Variants in DYSF observed in about 807,000 individuals in gnomAD.
DYSF encodes the protein dysferlin.
In DYSF, 212 loss-of-function variants were observed where a neutral mutation model predicts 274.9. The observed-to-expected ratio is 0.77, with a 90% CI of 0.69 to 0.86. The LOEUF is 0.86. Ranked by LOEUF, DYSF falls within the 40% of genes least tolerant of loss-of-function variation. DYSF has a pLI of 0.00. For synonymous variants in DYSF, 1,091 were observed against 1,078.7 expected (o/e 1.01, Z -0.22); for missense variants, 2,666 against 2,783.2 (o/e 0.96, Z 0.95).
intron 30 of DYSF, chr2:71,576,388 G>T: frequency 6.6e-6 from 1 of 152,612 alleles, no homozygotes. Flanking sequence ...GGATGCTTGG[G>T]AGGCAGAGCC....
chr2:71,578,729 A>G (rs2152829582), intron 30 of DYSF, among the ~76,000 whole-genome samples: 1 of 152,146 alleles, frequency 6.6e-6, no homozygotes, highest in South Asian at 2.1e-4. Context: ...GCCTCCTGCC[A>G]CCTTTTCCCT....
rs115105874 is a variant in DYSF at position 71,524,367 on chromosome 2, T to C, written c.1150-1853T>C. 1.6e-3 allele frequency among the ~76,000 whole-genome samples: 247 copies of C among 152,290 alleles called. 1 individual carries two copies. Among genetic ancestry groups the C allele is most frequent in the African/African-American group, 5.1e-3 (213 of 41,560 alleles). ...CTAGTACGGCAGGTCTTGTACACAGTAGGTGCTCAGTCAGTGCTTATTGTC... is the reference window on the plus strand; with the variant it reads ...CTAGTACGGCAGGTCTTGTACACAGCAGGTGCTCAGTCAGTGCTTATTGTC... On this transcript the variant is annotated intron_variant, in intron 12 of 55. Coordinates refer to ENST00000410020, the MANE Select transcript of DYSF (RefSeq NM_001130987.2).
In DYSF at chr2:71,569,910, C is replaced by T. The variant is rs1176897873; in HGVS notation, c.2955C>T (p.Tyr985=). Residue 985 remains tyrosine (Y), a synonymous_variant, in exon 27 of 56, where the codon TAC becomes TAT. Coordinates refer to ENST00000410020, the MANE Select transcript of DYSF (RefSeq NM_001130987.2). ...GGCTTCCCGGAGGCCAGTGGATCTA[C>T]ATGAGTGACAACTACACCGATGTGG... ...QTRLPGGQWI[Y]MSDNYTDVNG... The T allele has an allele frequency of 1.2e-6, 2 of 1,614,140 alleles. No individual in the cohort carries two copies. The highest frequency in any genetic ancestry group is 1.1e-5 in the South Asian group (1 of 91,052).
intron 3 of DYSF, among the ~76,000 whole-genome samples, chr2:71,493,740 T>C (rs2084092678): frequency 6.7e-6 from 1 of 150,144 alleles, no homozygotes; most frequent in Non-Finnish European, 1.5e-5. Context: ...TAGTCCCAGC[T>C]ACCCGGGAGG....
intron 41 of DYSF, among the ~76,000 whole-genome samples, chr2:71,641,506 C>G (rs1458891194): frequency 6.6e-6 from 1 of 152,112 alleles, no homozygotes; most frequent in African/African-American, 2.4e-5. Context: ...GTTTAATCAT[C>G]AATTATAATA....
intron 47 of DYSF, among the ~76,000 whole-genome samples, chr2:71,666,818 G>A (rs1480937260): frequency 2.0e-5 from 3 of 152,198 alleles, no homozygotes; most frequent in African/African-American, 7.2e-5. Context: ...ATAAAATGGG[G>A]ATAATAACAG....
At chr2:71,672,226 G>C (rs2095137706) in intron 51 of DYSF, among the ~76,000 whole-genome samples, 1 of 152,228 alleles carries the variant, frequency 6.6e-6, no homozygotes, top group African/African-American at 2.4e-5. Context: ...GGCAGAGCCA[G>C]AGGGTCCCTC....
At chr2:71,526,417 A>AGGGGGGGGGGGGGGGGGG in intron 13 of DYSF, 71 bp downstream of exon 13, 1 of 451,850 alleles carries the variant, frequency 2.2e-6, no homozygotes, top group Non-Finnish European at 4.2e-6. Context: ...GGGGTGGGCG[A>AGGGGGGGGGGGGGGGGGG]TGGCGGGCGG....
intron 32 of DYSF, among the ~76,000 whole-genome samples, chr2:71,594,593 C>A (rs958290704): frequency 1.3e-5 from 2 of 152,180 alleles, no homozygotes; most frequent in Non-Finnish European, 2.9e-5. Flanking sequence ...CATTTGTGAT[C>A]TGCCCCTCCT....
chr2:71,671,074 C>T (rs1259268351), intron 51 of DYSF, among the ~76,000 whole-genome samples: 1 of 152,192 alleles, frequency 6.6e-6, no homozygotes, highest in East Asian at 1.9e-4. Flanking sequence ...CATTACATCC[C>T]CTCTGCATGG....
rs776269068 is a variant in DYSF at position 71,602,755 on chromosome 2, C to T, written c.3928-21C>T. The T allele has an allele frequency of 5.0e-6, 8 of 1,612,418 alleles. 1 individual carries two copies. In the South Asian group the frequency reaches 8.8e-5, roughly 18 times the overall value. ...CTCTCACCATCTCCTGGATGTGCCACATCCCATGGCTGTGGGCCAGGTGCA... is the reference window on the plus strand; with the variant it reads ...CTCTCACCATCTCCTGGATGTGCCATATCCCATGGCTGTGGGCCAGGTGCA... On this transcript the variant is annotated intron_variant, in intron 35 of 55. Transcript: ENST00000410020.
chr2:71,626,946 T>C (rs1451794463), intron 41 of DYSF, among the ~76,000 whole-genome samples: 5 of 151,776 alleles, frequency 3.3e-5, no homozygotes, highest in Non-Finnish European at 7.4e-5. Flanking sequence ...CCTAAAAATA[T>C]TGGTGTAATA....
intron 30 of DYSF, among the ~76,000 whole-genome samples, chr2:71,575,238 G>T (rs1267827688): frequency 1.3e-5 from 2 of 152,140 alleles, no homozygotes; most frequent in African/African-American, 4.8e-5. Flanking sequence ...TGGCAGGGAG[G>T]TGAAGCCAGC....
At chr2:71,492,680 T>G (rs1177775648) in intron 3 of DYSF, among the ~76,000 whole-genome samples, 1 of 149,166 alleles carries the variant, frequency 6.7e-6, no homozygotes, top group African/African-American at 2.5e-5. Context: ...TTATACTTAT[T>G]ATTATTATCT....
At chr2:71,498,586 A>G (rs2084654271) in intron 3 of DYSF, among the ~76,000 whole-genome samples, 1 of 152,260 alleles carries the variant, frequency 6.6e-6, no homozygotes, top group Non-Finnish European at 1.5e-5. Flanking sequence ...CTCTGGCTGC[A>G]TGACTCCTGA....
chr2:71,674,390 C>A lies in DYSF; in HGVS notation c.5884+94C>A, dbSNP rs1370073516. 3 of 1,256,988 alleles carry A rather than the reference C, an allele frequency of 2.4e-6. No homozygotes were observed. In the Admixed American group the frequency reaches 5.4e-5, roughly 23 times the overall value. The allele number at this position is 1,256,988 out of a possible 1,614,324, so 77.9% of individuals were successfully genotyped here. ...GCCACTGTTGGACCCTTGGGGAAGCCTAGCAGGAGGAGTGATCCCACTTTC... is the reference window on the plus strand; with the variant it reads ...GCCACTGTTGGACCCTTGGGGAAGCATAGCAGGAGGAGTGATCCCACTTTC... On this transcript the variant is annotated intron_variant, in intron 52 of 55. Coordinates refer to ENST00000410020, the MANE Select transcript of DYSF (RefSeq NM_001130987.2).
chr2:71,536,451 G>A (rs2089348481), intron 16 of DYSF, among the ~76,000 whole-genome samples: 3 of 152,224 alleles, frequency 2.0e-5, no homozygotes, highest in Admixed American at 6.5e-5. Flanking sequence ...GTGGGGAAGC[G>A]GTTTGGAGGA....
chr2:71,680,650 T>C (rs1201470053), intron 53 of DYSF, among the ~76,000 whole-genome samples: 2 of 152,164 alleles, frequency 1.3e-5, no homozygotes. Context: ...CTTTAAAGAA[T>C]AGACAACTAC....
At position 71,503,285 on chromosome 2, in the gene DYSF, C is replaced by T. The variant is rs767981823; in HGVS notation, c.311C>T (p.Ala104Val). The T allele has an allele frequency of 6.2e-7, 1 of 1,614,110 alleles. No homozygotes were observed. Among genetic ancestry groups the T allele is most frequent in the South Asian group, 1.1e-5 (1 of 91,082 alleles). Reference sequence around the variant, plus strand: ...CCTAGTCTGTCCGCCAGCTTCAATGCCCCCCTGCTGGACACCAAGAAGCAG... The same window carrying T: ...CCTAGTCTGTCCGCCAGCTTCAATGTCCCCCTGCTGGACACCAAGAAGCAG... The part of the protein sequence containing the change: ...ATPSLSASFN[A>V]PLLDTKKQPT... The change falls in exon 4 of 56, where the codon GCC becomes GTC. Residue 104 changes from alanine (A) to valine (V), a missense_variant. By Grantham distance (64) the Ala-to-Val change is moderately conservative. Transcript: ENST00000410020.
Sources: allele counts gnomAD v4.1 joint callset (sites outside exome capture counted in the v4.1 genomes callset), GRCh38; gene constraint gnomAD v4.1.1; transcripts MANE v1.5; gene names NCBI Gene and HGNC (gene_info 2026-07-23, HGNC 2026-07-21).